MAML2: variants seen among roughly 807,000 people sequenced by gnomAD.
MAML2 encodes mastermind-like protein 2.
A neutral mutation model predicts 96.1 loss-of-function variants in MAML2; 22 were observed. The observed-to-expected ratio is 0.23, with a 90% CI of 0.16 to 0.33. The LOEUF is 0.33. Among genes scored for constraint, MAML2 ranks in the 10% least tolerant of loss-of-function variants. MAML2 has a pLI of 1.00. For missense variants in MAML2, 1,367 were observed against 1,392.4 expected (o/e 0.98, Z 0.29); for synonymous variants, 561 against 521.3 (o/e 1.08, Z -1.04).
intron 4 of MAML2, among the ~76,000 whole-genome samples, chr11:95,983,080 A>G (rs1857766820): frequency 6.6e-6 from 1 of 152,160 alleles, no homozygotes; most frequent in South Asian, 2.1e-4. Context: ...AGCCTCAGGC[A>G]GGTCTTTCAG....
rs1468456630 is a variant in MAML2, at chr11:96,034,452, A to T, written c.2140-42729T>A. Among the ~76,000 whole-genome samples, 210 of 139,920 alleles carry T rather than the reference A, an allele frequency of 1.5e-3. 1 individual carries two copies. The East Asian group carries it at 0.016, about 11-fold the overall frequency. The allele number at this position is 139,920 out of a possible 152,430, so 91.8% of individuals were successfully genotyped here. A position where few individuals can be genotyped will look rare whatever the true frequency, so the allele number is the denominator to read the frequency against. On this transcript the variant is annotated intron_variant, in intron 2 of 4. Coordinates refer to ENST00000524717, the MANE Select transcript of MAML2 (RefSeq NM_032427.4). ...GTGTGTGAGAGAGAGAGAGAGAGAG[A>T]GAGAGTGTGTGTGTGTGTGTGTGTC...
chr11:96,252,690 G>A (rs76151361), intron 1 of MAML2, among the ~76,000 whole-genome samples: 4,927 of 152,176 alleles, frequency 0.032, 104 homozygotes, highest in South Asian at 0.063. Context: ...TAACATCACT[G>A]CTATCTTCAG....
At chr11:96,242,078 A>G (rs888892104) in intron 1 of MAML2, among the ~76,000 whole-genome samples, 1 of 152,220 alleles carries the variant, frequency 6.6e-6, no homozygotes, top group Admixed American at 6.5e-5. Flanking sequence ...AGAGCTTTCT[A>G]TGATCCAAGG....
At chr11:96,074,400 T>G (rs560142443) in intron 2 of MAML2, among the ~76,000 whole-genome samples, 1 of 152,380 alleles carries the variant, frequency 6.6e-6, no homozygotes, top group South Asian at 2.1e-4. Context: ...AAACTCTTAT[T>G]TGCAGTCTTT....
At chr11:96,055,674 G>GGA (rs1413125788) in intron 2 of MAML2, among the ~76,000 whole-genome samples, 1 of 152,144 alleles carries the variant, frequency 6.6e-6, no homozygotes, top group South Asian at 2.1e-4. Context: ...CAAAGAAAAA[G>GGA]GAGAGAGAGG....
At position 96,081,844 on chromosome 11, in the gene MAML2, G is replaced by C. The variant is rs560500062; in HGVS notation, c.2139+10048C>G. Among the ~76,000 whole-genome samples the C allele has an allele frequency of 2.0e-5, 3 of 152,232 alleles. No individual in the cohort carries two copies. The South Asian group carries it at 6.2e-4, about 32-fold the overall frequency. ...AGTTTCAGGGAATTTAAGTAAGTTG[G>C]CCAGAGTCACATGGACATGAAGATA... On this transcript the variant is annotated intron_variant, in intron 2 of 4. Coordinates refer to ENST00000524717, the MANE Select transcript of MAML2 (RefSeq NM_032427.4).
At chr11:95,996,473 A>C (rs980243346) in intron 2 of MAML2, among the ~76,000 whole-genome samples, 1 of 152,140 alleles carries the variant, frequency 6.6e-6, no homozygotes, top group African/African-American at 2.4e-5. Context: ...CTAGGGTCTG[A>C]AGGGTTTTCC....
At position 95,978,167 on chromosome 11, in the gene MAML2, A is replaced by G. The variant is rs1481909121; in HGVS notation, c.*781T>C. ...TTTAAAAAAGTGAAATCTAATGCAG[A>G]GAGGTGTGCACCAATATTTCAGTAT... On this transcript the variant is annotated 3_prime_UTR_variant, in exon 5 of 5. Transcript: ENST00000524717. 1 of 212,206 alleles carries G rather than the reference A, an allele frequency of 4.7e-6. No homozygotes were observed. Among genetic ancestry groups the G allele is most frequent in the Non-Finnish European group, 9.5e-6 (1 of 104,716 alleles). 13.1% of individuals were successfully genotyped at this position (212,206 alleles called of 1,614,324 possible).
intron 1 of MAML2, among the ~76,000 whole-genome samples, chr11:96,099,172 AC>A (rs1213361725): frequency 6.6e-6 from 1 of 152,138 alleles, no homozygotes; most frequent in Non-Finnish European, 1.5e-5. Context: ...TCATCTGCAA[AC>A]TTTCCTCGGG....
At chr11:96,289,854 T>G (rs1863186366) in intron 1 of MAML2, among the ~76,000 whole-genome samples, 1 of 150,206 alleles carries the variant, frequency 6.7e-6, no homozygotes, top group African/African-American at 2.4e-5. Flanking sequence ...CATTTTAAAG[T>G]CTTTTGATTA....
intron 2 of MAML2, among the ~76,000 whole-genome samples, chr11:96,045,919 C>CCT (rs1858893314): frequency 1.1e-5 from 1 of 93,400 alleles, no homozygotes; most frequent in African/African-American, 4.2e-5. Context: ...TTTTTTTTTT[C>CCT]CCCCATTCCT....
At chr11:96,023,676 T>C (rs925651455) in intron 2 of MAML2, among the ~76,000 whole-genome samples, 1 of 152,146 alleles carries the variant, frequency 6.6e-6, no homozygotes, top group Non-Finnish European at 1.5e-5. Flanking sequence ...CCTGGAAACA[T>C]GAGGGTGGCC....
chr11:96,254,995 A>T (rs1189280030), intron 1 of MAML2, among the ~76,000 whole-genome samples: 1 of 147,912 alleles, frequency 6.8e-6, no homozygotes, highest in Non-Finnish European at 1.5e-5. Flanking sequence ...TTTTTTTGGC[A>T]TTTTTTTTTT....
rs558919754 is a variant in MAML2 at position 96,285,090 on chromosome 11, C to A, written c.513+56293G>T. Among the ~76,000 whole-genome samples, 7 of 152,284 alleles carry A rather than the reference C, an allele frequency of 4.6e-5. No individual in the cohort carries two copies. In the East Asian group the frequency reaches 1.3e-3, roughly 29 times the overall value. ...GTTAAGGAACTTGTCCAAAGTCACA[C>A]AGCTACTAAGTCAGGATTGAGTGAG... On this transcript the variant is annotated intron_variant, in intron 1 of 4. Coordinates refer to ENST00000524717, the MANE Select transcript of MAML2 (RefSeq NM_032427.4).
chr11:96,007,181 T>C (rs1469371597), intron 2 of MAML2, among the ~76,000 whole-genome samples: 2 of 151,344 alleles, frequency 1.3e-5, no homozygotes, highest in African/African-American at 2.4e-5. Context: ...TTTTTTTTTT[T>C]TTTTGTATTT....
At chr11:96,296,624 C>T (rs998917037) in intron 1 of MAML2, among the ~76,000 whole-genome samples, 2 of 151,630 alleles carry the variant, frequency 1.3e-5, no homozygotes, top group Admixed American at 6.6e-5. Flanking sequence ...GCCTGGGCAA[C>T]AAAAGCAAAA....
Position 96,341,695 on chromosome 11 carries a change from G to A in MAML2, c.201C>T (p.Asp67=). 1 of 1,607,026 alleles carries A rather than the reference G, an allele frequency of 6.2e-7. No homozygotes were observed. The highest frequency in any genetic ancestry group is 8.5e-7 in the Non-Finnish European group (1 of 1,176,678). The change falls in exon 1 of 5, where the codon GAC becomes GAT. Residue 67 remains aspartate, a synonymous_variant. Transcript: ENST00000524717. The stretch of plus-strand genomic sequence containing the variant: ...GCTGCAAGGTGCTTTCTCTTTCCCG[G>A]TCTGAGCTCTCGGCCCTACCTCGTT... The part of the protein sequence containing the change: ...RYERGRAESS[D]RERESTLQLL...
At position 96,214,615 on chromosome 11, in the gene MAML2, T is replaced by C. The variant is rs142823423; in HGVS notation, c.514-121098A>G. ...AAATAACCAAGAAAACTCCAGGAAC[T>C]GATGCCATTATTTTCCTAATGAGAA... On this transcript the variant is annotated intron_variant, in intron 1 of 4. Coordinates refer to ENST00000524717, the MANE Select transcript of MAML2 (RefSeq NM_032427.4). Among the ~76,000 whole-genome samples the C allele has an allele frequency of 3.4e-3, 523 of 152,296 alleles. 3 individuals are homozygous for C. Among genetic ancestry groups the C allele is most frequent in the South Asian group, 0.014 (68 of 4,826 alleles).
chr11:96,075,121 C>A (rs1191095461), intron 2 of MAML2, among the ~76,000 whole-genome samples: 1 of 152,188 alleles, frequency 6.6e-6, no homozygotes, highest in Non-Finnish European at 1.5e-5. Context: ...TTAGACATCA[C>A]AAAGCTAATA....
Sources: allele counts gnomAD v4.1 joint callset (sites outside exome capture counted in the v4.1 genomes callset), GRCh38; gene constraint gnomAD v4.1.1; transcripts MANE v1.5; gene names NCBI Gene and HGNC (gene_info 2026-07-23, HGNC 2026-07-21).